The following ART1 variants were observed in gnomAD, a reference collection of about 807,000 sequenced individuals.
ART1 encodes the protein ADP-ribosyltransferase 1.
ART1 carries 29 observed loss-of-function variants against 27.0 expected under a neutral mutation model. That is an observed-to-expected ratio of 1.08 (90% CI 0.80 to 1.47). The LOEUF is 1.47. ART1 is among the 40% of genes most tolerant of loss of function. The pLI, the probability that ART1 is intolerant of heterozygous loss-of-function variation, is 0.00. For missense variants in ART1, 480 were observed against 423.0 expected (o/e 1.13, Z -1.18); for synonymous variants, 201 against 172.2 (o/e 1.17, Z -1.31).
At chr11:3,659,539 C>T in intron 2 of ART1, 44 bp from the exon 3 acceptor site, 1 of 1,540,522 alleles carries the variant, frequency 6.5e-7, no homozygotes, top group Non-Finnish European at 8.7e-7. Flanking sequence ...ACTCATTCTC[C>T]CAGGGGCCTA....
chr11:3,650,861 G>T (rs1444578692), intron 1 of ART1, among the ~76,000 whole-genome samples: 2 of 131,348 alleles, frequency 1.5e-5, no homozygotes, highest in South Asian at 2.4e-4. Flanking sequence ...TTCCTCCTTC[G>T]CGACCGATCA....
chr11:3,653,741 C>G (rs1054462855), intron 1 of ART1, among the ~76,000 whole-genome samples: 3 of 152,106 alleles, frequency 2.0e-5, no homozygotes, highest in Non-Finnish European at 4.4e-5. Flanking sequence ...CCCTCTCTCA[C>G]GTCCCCTATA....
chr11:3,653,542 T>C (rs180677292), intron 1 of ART1, among the ~76,000 whole-genome samples: 40 of 152,094 alleles, frequency 2.6e-4, no homozygotes, highest in African/African-American at 9.4e-4. Flanking sequence ...TCGCTGACTC[T>C]CTTTTCGGAC....
intron 4 of ART1, among the ~76,000 whole-genome samples, chr11:3,663,018 A>T (rs1177784526): frequency 7.5e-6 from 1 of 133,704 alleles, no homozygotes; most frequent in East Asian, 2.4e-4. Context: ...TCATCTCATC[A>T]TCTCATCTCA....
intron 1 of ART1, among the ~76,000 whole-genome samples, 154 bp downstream of exon 1, chr11:3,645,333 A>G (rs2077463846): frequency 6.6e-6 from 1 of 152,140 alleles, no homozygotes; most frequent in African/African-American, 2.4e-5. Flanking sequence ...GTTGGGAGCC[A>G]TGGGAAGTTT....
chr11:3,647,320 C>CA (rs575615119), intron 1 of ART1, among the ~76,000 whole-genome samples: 228 of 112,538 alleles, frequency 2.0e-3, no homozygotes, highest in Non-Finnish European at 2.5e-3. Flanking sequence ...AACTCCGTCT[C>CA]AAAAAAAACA....
At chr11:3,651,168 A>C (rs2077519118) in intron 1 of ART1, among the ~76,000 whole-genome samples, 1 of 147,012 alleles carries the variant, frequency 6.8e-6, no homozygotes, top group Non-Finnish European at 1.5e-5. Context: ...TCTACAACCC[A>C]TTATTCTGTT....
intron 1 of ART1, 41 bp from the exon 2 acceptor site, chr11:3,659,121 A>G: frequency 8.2e-7 from 1 of 1,213,484 alleles, no homozygotes; most frequent in Admixed American, 1.9e-5. Context: ...GTGTCGATTC[A>G]TGTTTATTAA....
In ART1 at chr11:3,651,560, C is replaced by G. The variant is rs1257193690; in HGVS notation, c.-53+6381C>G. Among the ~76,000 whole-genome samples the G allele has an allele frequency of 2.7e-5, 4 of 150,606 alleles. No homozygotes were observed. The South Asian group carries it at 8.5e-4, about 32-fold the overall frequency. ...CAAACAACTTGCCCTTACGTTTTAG[C>G]CTAGCCCTCATGTCTGCGTGCAGCG... On this transcript the variant is annotated intron_variant, in intron 1 of 4. Transcript: ENST00000250693.
chr11:3,662,710 G>T (rs1441954109), intron 4 of ART1, among the ~76,000 whole-genome samples: 1 of 152,206 alleles, frequency 6.6e-6, no homozygotes, highest in Non-Finnish European at 1.5e-5. Context: ...CGGGCGTGGT[G>T]GCGCATGCCT....
intron 1 of ART1, among the ~76,000 whole-genome samples, chr11:3,650,104 T>C (rs891464931): frequency 2.0e-5 from 3 of 152,214 alleles, no homozygotes; most frequent in African/African-American, 7.2e-5. Flanking sequence ...TTGTCTCCAC[T>C]GTGAGACAAA....
intron 1 of ART1, among the ~76,000 whole-genome samples, chr11:3,653,389 T>A (rs2077542626): frequency 6.7e-6 from 1 of 148,150 alleles, no homozygotes; most frequent in Non-Finnish European, 1.5e-5. Context: ...TGAAATTCCT[T>A]CTCCTGGCTC....
At chr11:3,655,396 C>T (rs915519727) in intron 1 of ART1, 8 of 152,290 alleles carry the variant, frequency 5.3e-5, no homozygotes, top group African/African-American at 1.9e-4. Context: ...CACTGGGGAC[C>T]CTCTATGGGA....
intron 1 of ART1, among the ~76,000 whole-genome samples, chr11:3,653,836 G>A (rs1274323522): frequency 2.7e-4 from 30 of 112,132 alleles, no homozygotes; most frequent in East Asian, 8.1e-4. Flanking sequence ...ATCAAGTCTT[G>A]TAAATTCCAC....
At chr11:3,663,495 G>A (rs2077638093) in intron 4 of ART1, among the ~76,000 whole-genome samples, 1 of 152,130 alleles carries the variant, frequency 6.6e-6, no homozygotes, top group African/African-American at 2.4e-5. Context: ...CTTATTTGTG[G>A]CAATAGAAGG....
intron 1 of ART1, among the ~76,000 whole-genome samples, chr11:3,653,516 C>G (rs1010444548): frequency 6.6e-6 from 1 of 151,702 alleles, no homozygotes; most frequent in Non-Finnish European, 1.5e-5. Flanking sequence ...TAAAACGGAC[C>G]CACCCTTATC....
intron 4 of ART1, among the ~76,000 whole-genome samples, chr11:3,663,286 C>T (rs1298381309): frequency 6.6e-6 from 1 of 152,154 alleles, no homozygotes. Context: ...AGAGCCAGGA[C>T]AAGAAGCCAG....
intron 1 of ART1, among the ~76,000 whole-genome samples, chr11:3,651,098 G>C (rs949441567): frequency 6.6e-6 from 1 of 151,810 alleles, no homozygotes; most frequent in African/African-American, 2.4e-5. Flanking sequence ...CAACCAAATT[G>C]TTTTGCCTAT....
At chr11:3,660,481 C>T (rs1387523474) in intron 3 of ART1, 118 bp downstream of exon 3, 4 of 1,202,016 alleles carry the variant, frequency 3.3e-6, no homozygotes, top group Admixed American at 5.2e-5. Context: ...AAATACAAGT[C>T]ATATCCACCA....
Sources: gnomAD v4.1 joint callset for allele counts (sites outside exome capture counted in the v4.1 genomes callset) on GRCh38, gnomAD v4.1.1 for gene constraint, MANE v1.5 for transcripts, NCBI Gene and HGNC (gene_info 2026-07-23, HGNC 2026-07-21) for gene names.